The following GRN variants were observed in gnomAD, a reference collection of about 807,000 sequenced individuals.
GRN encodes granulin precursor, also known as progranulin.
A neutral mutation model predicts 66.7 loss-of-function variants in GRN; 30 were observed. The ratio of observed to expected loss-of-function variants is 0.45; its 90% CI spans 0.34 to 0.61. The LOEUF is 0.61. Among genes scored for constraint, GRN ranks in the 20% least tolerant of loss-of-function variants. The pLI is 0.01. For synonymous variants in GRN, 327 were observed against 311.1 expected, an observed-to-expected ratio of 1.05 and a Z score of -0.54; for missense variants, 731 against 803.5, an observed-to-expected ratio of 0.91 and a Z score of 1.09.
In GRN at chr17:44,351,720, T is replaced by C. The variant is rs1423579670; in HGVS notation, c.1104T>C (p.Asn368=). ...QALKRDVPCD[N]VSSCPSSDTC... Reference sequence around the variant, plus strand: ...TGAAGAGAGATGTCCCCTGTGATAATGTCAGCAGCTGTCCCTCCTCCGATA... The same window carrying C: ...TGAAGAGAGATGTCCCCTGTGATAACGTCAGCAGCTGTCCCTCCTCCGATA... The change falls in exon 10 of 13, where the codon AAT becomes AAC. Residue 368 remains asparagine (N), a synonymous_variant. Transcript: ENST00000053867. 4 of 1,613,770 alleles carry C rather than the reference T, an allele frequency of 2.5e-6. No individual in the cohort carries two copies. Among genetic ancestry groups the C allele is most frequent in the South Asian group, 2.2e-5 (2 of 91,086 alleles).
At chr17:44,350,619 G>T in intron 6 of GRN, 42 bp downstream of exon 6, 1 of 1,612,268 alleles carries the variant, frequency 6.2e-7, no homozygotes, top group Non-Finnish European at 8.5e-7. Flanking sequence ...CTGGGGCGGG[G>T]CCTCATTGAC....
At chr17:44,351,915 A>T in intron 10 of GRN, 100 bp from the exon 11 acceptor site, 1 of 1,455,680 alleles carries the variant, frequency 6.9e-7, no homozygotes, top group Non-Finnish European at 9.6e-7. Flanking sequence ...CCCCAGCTGG[A>T]GGTGCTGTAA....
At position 44,352,840 on chromosome 17, in the gene GRN, G is replaced by A. The variant is rs529528077; in HGVS notation, c.*42G>A. On this transcript the variant is annotated 3_prime_UTR_variant, in exon 13 of 13. Transcript: ENST00000053867. The stretch of plus-strand genomic sequence containing the variant: ...CTCTGCAGCCCTCGGGACCCCACTC[G>A]GAGGGTGCCCTCTGCTCAGGCCTCC... 17 of 1,596,570 alleles carry A rather than the reference G, an allele frequency of 1.1e-5. No individual in the cohort carries two copies. Among genetic ancestry groups the A allele is most frequent in the Admixed American group, 8.3e-5 (5 of 59,896 alleles).
chr17:44,352,742 G>A lies in GRN; in HGVS notation c.1726G>A (p.Glu576Lys), dbSNP rs1361228831. The change falls in exon 13 of 13, where the codon GAG becomes AAG. Residue 576 changes from glutamate to lysine, a missense_variant. Transcript: ENST00000053867. ...AARGTKCLRR[E>K]APRWDAPLRD... ...CAGGGGTACCAAGTGTTTGCGCAGG[G>A]AGGCCCCGCGCTGGGACGCCCCTTT... is the stretch of plus-strand genomic sequence containing the variant. 3.7e-6 allele frequency: 6 copies of A among 1,611,684 alleles called. No individual in the cohort carries two copies. In the African/African-American group the frequency reaches 6.7e-5, roughly 18 times the overall value.
rs541997508 is a variant in GRN at position 44,352,567 on chromosome 17, G to T, written c.1640G>T (p.Arg547Leu). The change falls in exon 12 of 13, where the codon CGC becomes CTC. Residue 547 changes from arginine (R) to leucine (L), a missense_variant. Coordinates refer to ENST00000053867, the MANE Select transcript of GRN (RefSeq NM_002087.4). Reference sequence around the variant, plus strand: ...CAGGGCTGGGCCTGCTGTCCCTACCGCCAGGTCAGTGCCAACCCCCATCCT... The same window carrying T: ...CAGGGCTGGGCCTGCTGTCCCTACCTCCAGGTCAGTGCCAACCCCCATCCT... ...NRQGWACCPY[R>L]QGVCCADRRH... 1.4e-5 allele frequency: 22 copies of T among 1,612,908 alleles called. No individual in the cohort carries two copies. The South Asian group carries it at 2.1e-4, about 15-fold the overall frequency.
In GRN at chr17:44,350,472, T is replaced by C. The variant is rs2143333047; in HGVS notation, c.493T>C (p.Cys165Arg). The C allele has an allele frequency of 6.2e-7, 1 of 1,613,982 alleles. No homozygotes were observed. Among genetic ancestry groups the C allele is most frequent in the Non-Finnish European group, 8.5e-7 (1 of 1,179,932 alleles). ...CTGCTGTGAAGACAGGGTGCACTGCTGTCCGCACGGTGCCTTCTGCGACCT... is the reference window on the plus strand; with the variant it reads ...CTGCTGTGAAGACAGGGTGCACTGCCGTCCGCACGGTGCCTTCTGCGACCT... ...ASCCEDRVHCCPHGAFCDLVH... is the reference protein window; with the variant it reads ...ASCCEDRVHCRPHGAFCDLVH... Residue 165 changes from cysteine (C) to arginine (R), a missense_variant, in exon 6 of 13, where the codon TGT becomes CGT. Physicochemically the swap from Cys to Arg is radical, Grantham distance 180 (BLOSUM62 -3). Transcript: ENST00000053867.
At chr17:44,352,616 A>G (rs2048389027) in intron 12 of GRN, 45 bp downstream of exon 12, 1 of 1,611,316 alleles carries the variant, frequency 6.2e-7, no homozygotes, top group Non-Finnish European at 8.5e-7. Flanking sequence ...GCCAGGGACC[A>G]GGTCCCACCT....
At chr17:44,350,372 AG>A (rs2048360617) in intron 5 of GRN, 32 bp downstream of exon 5, 1 of 1,466,762 alleles carries the variant, frequency 6.8e-7, no homozygotes, top group South Asian at 1.2e-5. Context: ...GGGTATGTGG[AG>A]GGAAGTGGGG....
chr17:44,347,223 C>CT (rs1484586181), intron 1 of GRN, among the ~76,000 whole-genome samples: 10 of 152,156 alleles, frequency 6.6e-5, no homozygotes, highest in Non-Finnish European at 1.3e-4. Flanking sequence ...AGTATAGATG[C>CT]ACCCATCGTA....
At chr17:44,349,134 C>T in intron 1 of GRN, 24 bp from the exon 2 acceptor site, 1 of 1,613,596 alleles carries the variant, frequency 6.2e-7, no homozygotes, top group South Asian at 1.1e-5. Context: ...AAGCAGTTGC[C>T]AGACGTTCCT....
At chr17:44,349,069 C>G (rs2048346326) in intron 1 of GRN, 89 bp from the exon 2 acceptor site, 1 of 1,442,884 alleles carries the variant, frequency 6.9e-7, no homozygotes, top group African/African-American at 1.4e-5. Flanking sequence ...GGGCCAGGAC[C>G]TTGGCCTGGG....
rs201699327 is a variant in GRN, at chr17:44,349,669, C to A, written c.267C>A (p.Ala89=). 1.2e-6 allele frequency: 2 copies of A among 1,612,530 alleles called. No homozygotes were observed. Among genetic ancestry groups the A allele is most frequent in the East Asian group, 2.2e-5 (1 of 44,880 alleles). ...GCAGGTTTCTCTGTGTTCCACAGGC[C>A]GTGGCATGCGGGGATGGCCATCACT... The part of the protein sequence containing the change: ...GTSSCCPFPE[A]VACGDGHHCC... The change falls in exon 4 of 13, where the codon GCC becomes GCA. Residue 89 remains alanine, a splice_region_variant and synonymous_variant. Transcript: ENST00000053867.
chr17:44,345,933 G>A (rs1193455896), intron 1 of GRN, among the ~76,000 whole-genome samples: 1 of 152,198 alleles, frequency 6.6e-6, no homozygotes, highest in Non-Finnish European at 1.5e-5. Context: ...CCTAGTGGAA[G>A]ATAACGGAGC....
At chr17:44,347,825 G>T (rs1163281935) in intron 1 of GRN, among the ~76,000 whole-genome samples, 1 of 151,328 alleles carries the variant, frequency 6.6e-6, no homozygotes, top group Non-Finnish European at 1.5e-5. Context: ...GGTGGCGAGC[G>T]CCTGTAGTCC....
At position 44,349,426 on chromosome 17, in the gene GRN, G is replaced by A. The variant is rs1239690384; in HGVS notation, c.139G>A (p.Asp47Asn). 6.2e-7 allele frequency: 1 copy of A among 1,614,218 alleles called. No individual in the cohort carries two copies. Among genetic ancestry groups the A allele is most frequent in the Admixed American group, 1.7e-5 (1 of 60,032 alleles). ...ASYSCCRPLL[D>N]KWPTTLSRHL... Reference sequence around the variant, plus strand: ...TTTATCATTTTCCCTGTCTTTCTAGGACAAATGGCCCACAACACTGAGCAG... The same window carrying A: ...TTTATCATTTTCCCTGTCTTTCTAGAACAAATGGCCCACAACACTGAGCAG... The change falls in exon 3 of 13, where the codon GAC (aspartate) becomes AAC (asparagine). Residue 47 changes from aspartate (D) to asparagine (N), a missense_variant and splice_region_variant. Physicochemically the swap from Asp to Asn is conservative, Grantham distance 23 (BLOSUM62 1). Around this residue, in one of 3 missense-constraint regions of GRN, gnomAD observed 370 missense variants for 379.8 expected, o/e 0.97. Coordinates refer to ENST00000053867, the MANE Select transcript of GRN (RefSeq NM_002087.4).
Position 44,352,643 on chromosome 17 carries a change from C to G in GRN, c.1645-18C>G, listed in dbSNP as rs777482964. On this transcript the variant is annotated intron_variant, in intron 12 of 12. Coordinates refer to ENST00000053867, the MANE Select transcript of GRN (RefSeq NM_002087.4). The stretch of plus-strand genomic sequence containing the variant: ...GTCCCACCTCGTCCAACCCTCTCGC[C>G]CCCCTCTGACCATCCAGGGCGTCTG... 3.1e-6 allele frequency: 5 copies of G among 1,610,002 alleles called. No individual in the cohort carries two copies. In the East Asian group the frequency reaches 1.1e-4, roughly 36 times the overall value.
In GRN at chr17:44,350,325, C is replaced by T. The variant is rs374632369; in HGVS notation, c.447C>T (p.Cys149=). 1.5e-5 allele frequency: 24 copies of T among 1,612,776 alleles called. No individual in the cohort carries two copies. The highest frequency in any genetic ancestry group is 1.9e-5 in the Non-Finnish European group (23 of 1,179,500). Residue 149 remains cysteine (C), a synonymous_variant, in exon 5 of 13, where the codon TGC becomes TGT. Transcript: ENST00000053867. ...CCVMVDGSWG[C]CPMPQASCCE... Reference sequence around the variant, plus strand: ...TTATGGTCGATGGCTCCTGGGGGTGCTGCCCCATGCCCCAGGTACAAATCT... The same window carrying T: ...TTATGGTCGATGGCTCCTGGGGGTGTTGCCCCATGCCCCAGGTACAAATCT...
At chr17:44,347,557 G>A (rs1430280178) in intron 1 of GRN, among the ~76,000 whole-genome samples, 1 of 151,940 alleles carries the variant, frequency 6.6e-6, no homozygotes, top group South Asian at 2.1e-4. Context: ...AAAGTGCTGG[G>A]ATTACAGGCG....
Position 44,350,537 on chromosome 17 carries a change from C to T in GRN, c.558C>T (p.Pro186=). 6.2e-7 allele frequency: 1 copy of T among 1,614,006 alleles called. No individual in the cohort carries two copies. Among genetic ancestry groups the T allele is most frequent in the Non-Finnish European group, 8.5e-7 (1 of 1,179,984 alleles). Residue 186 remains proline (P), a synonymous_variant, in exon 6 of 13, where the codon CCC becomes CCT. Transcript: ENST00000053867. ...GCATCACACCCACGGGCACCCACCC[C>T]CTGGCAAAGAAGCTCCCTGCCCAGA... ...TRCITPTGTH[P]LAKKLPAQRT...
Sources: allele counts gnomAD v4.1 joint callset (sites outside exome capture counted in the v4.1 genomes callset), GRCh38; gene constraint gnomAD v4.1.1; regional missense constraint gnomAD v4.1.1; transcripts MANE v1.5; gene names NCBI Gene and HGNC (gene_info 2026-07-23, HGNC 2026-07-21).